ZNF469: variants seen among roughly 807,000 people sequenced by gnomAD.
ZNF469 encodes the protein zinc finger protein 469.
A neutral mutation model predicts 1.0 loss-of-function variants in ZNF469; 1 was observed. The observed-to-expected ratio is 1.00, with a 90% CI of 0.35 to 4.73. The LOEUF (loss-of-function observed/expected upper bound fraction) is 4.73. Among genes scored for constraint, ZNF469 ranks in the 30% most tolerant of loss-of-function variants. The pLI, the probability that ZNF469 is intolerant of heterozygous loss-of-function variation, is 0.16. For missense variants in ZNF469, 6,100 were observed against 5,356.3 expected (o/e 1.14, Z -4.33); for synonymous variants, 2,703 against 2,363.4 (o/e 1.14, Z -4.17).
At chr16:88,274,862 G>A in the ZNF469 span, among the ~76,000 whole-genome samples, 8 of 152,212 alleles carry the variant, frequency 5.3e-5, no homozygotes, top group Non-Finnish European at 8.8e-5. Flanking sequence ...GTTCGCAGAC[G>A]GACACTGGCA....
upstream of ZNF469, among the ~76,000 whole-genome samples, chr16:88,378,712 G>A (rs115858775): frequency 2.3e-3 from 345 of 152,292 alleles, 1 homozygote; most frequent in African/African-American, 7.8e-3. Context: ...GGACAGGCTC[G>A]ACCACTAACT....
chr16:88,184,129 G>C, the ZNF469 span, among the ~76,000 whole-genome samples: 1 of 152,042 alleles, frequency 6.6e-6, no homozygotes, highest in African/African-American at 2.4e-5. Context: ...TGGCCCCCGT[G>C]TAAACAGACG....
the ZNF469 span, among the ~76,000 whole-genome samples, chr16:88,268,246 C>G: frequency 6.6e-6 from 1 of 152,158 alleles, no homozygotes; most frequent in Non-Finnish European, 1.5e-5. Flanking sequence ...TTGTCAGTCT[C>G]CCCCTCGCTG....
the ZNF469 span, among the ~76,000 whole-genome samples, chr16:88,367,023 C>T: frequency 6.6e-6 from 1 of 152,174 alleles, no homozygotes; most frequent in Non-Finnish European, 1.5e-5. Flanking sequence ...ACCACCACCA[C>T]CAACATCATC....
At chr16:88,252,109 G>A in the ZNF469 span, among the ~76,000 whole-genome samples, 1 of 144,336 alleles carries the variant, frequency 6.9e-6, no homozygotes, top group Non-Finnish European at 1.6e-5. Context: ...GCTGCACACA[G>A]CTGGGGCATG....
chr16:88,140,017 C>G, the ZNF469 span, among the ~76,000 whole-genome samples: 4 of 152,214 alleles, frequency 2.6e-5, no homozygotes, highest in Non-Finnish European at 5.9e-5. Flanking sequence ...AAGAAACGAA[C>G]TGTCAGGATC....
At chr16:88,318,188 G>T in the ZNF469 span, among the ~76,000 whole-genome samples, 1 of 152,228 alleles carries the variant, frequency 6.6e-6, no homozygotes, top group African/African-American at 2.4e-5. Context: ...GCCCAGCCTG[G>T]GCTGGAGGGA....
At chr16:88,402,969 G>T (rs2142276285) in intron 1 of ZNF469, among the ~76,000 whole-genome samples, 1 of 152,374 alleles carries the variant, frequency 6.6e-6, no homozygotes, top group South Asian at 2.1e-4. Flanking sequence ...GGCCAGCCCG[G>T]CCCGGGAAGA....
chr16:88,190,117 C>T, the ZNF469 span, among the ~76,000 whole-genome samples: 1 of 149,718 alleles, frequency 6.7e-6, no homozygotes, highest in Non-Finnish European at 1.5e-5. Context: ...GGGCTTTAGA[C>T]CAGTGGACGG....
At chr16:88,409,885 C>G (rs1208644761) in intron 1 of ZNF469, among the ~76,000 whole-genome samples, 9 of 35,992 alleles carry the variant, frequency 2.5e-4, no homozygotes, top group African/African-American at 1.2e-3. Context: ...GGGGGGGGGG[C>G]GCGGGGCGTT....
chr16:88,422,377 A>C (rs1905496386), intron 1 of ZNF469, among the ~76,000 whole-genome samples: 1 of 122,522 alleles, frequency 8.2e-6, no homozygotes, highest in Non-Finnish European at 1.7e-5. Flanking sequence ...GGGTGGATGA[A>C]TGAATGGGTG....
chr16:88,240,666 C>G, the ZNF469 span, among the ~76,000 whole-genome samples: 1 of 152,068 alleles, frequency 6.6e-6, no homozygotes, highest in Non-Finnish European at 1.5e-5. Context: ...AACCCCAGAG[C>G]CCTCAAAATA....
At position 88,431,429 on chromosome 16, in the gene ZNF469, CT is replaced by C. The variant is rs937089212; in HGVS notation, c.3960del (p.Ala1321ProfsTer234). 2 of 1,550,382 alleles carry C rather than the reference CT, an allele frequency of 1.3e-6. No homozygotes were observed. Among genetic ancestry groups the C allele is most frequent in the Non-Finnish European group, 1.7e-6 (2 of 1,146,996 alleles). On this transcript the variant is annotated frameshift_variant, in exon 3 of 3. Coordinates refer to ENST00000565624, the MANE Select transcript of ZNF469 (RefSeq NM_001367624.2). LOFTEE classifies it low-confidence loss of function (END_TRUNC). ...APVSHNSKDP[P>X]ARQPGEFLAP... ...GTCTCCCACAACAGCAAGGACCCCC[CT>C]GCCCGCCAGCCTGGAGAATTTCTGG...
chr16:88,108,368 G>A, the ZNF469 span, among the ~76,000 whole-genome samples: 1 of 152,174 alleles, frequency 6.6e-6, no homozygotes, highest in East Asian at 1.9e-4. Context: ...GGCTGCTGGT[G>A]CAGCCCATCT....
At chr16:88,205,667 G>A in the ZNF469 span, among the ~76,000 whole-genome samples, 2 of 152,218 alleles carry the variant, frequency 1.3e-5, no homozygotes, top group Non-Finnish European at 2.9e-5. This position sits in a 1 kb window ranked among gnomAD's most constrained non-coding sequence, Gnocchi z 4.2. Context: ...AGGCACGGAT[G>A]CGGAACCGGC....
At chr16:88,212,945 C>T in the ZNF469 span, among the ~76,000 whole-genome samples, 2 of 152,190 alleles carry the variant, frequency 1.3e-5, no homozygotes, top group African/African-American at 4.8e-5. Flanking sequence ...CATCTATGTC[C>T]TTAGTTTTAA....
At position 88,431,917 on chromosome 16, in the gene ZNF469, G is replaced by A. The variant is rs273585620; in HGVS notation, c.4447G>A (p.Ala1483Thr). 2.6e-5 allele frequency: 40 copies of A among 1,549,476 alleles called. No individual in the cohort carries two copies. The highest frequency in any genetic ancestry group is 1.2e-4 in the East Asian group (5 of 40,908). ...SANRDSGLPF[A>T]CADPPQKTVP... ...GAACAGGGACTCCGGTCTGCCGTTC[G>A]CATGTGCCGACCCTCCCCAGAAGAC... The change falls in exon 3 of 3, where the codon GCA becomes ACA. Residue 1483 changes from alanine (A) to threonine (T), a missense_variant. Ala to Thr is a moderately conservative substitution (Grantham distance 58, BLOSUM62 0). Coordinates refer to ENST00000565624, the MANE Select transcript of ZNF469 (RefSeq NM_001367624.2).
chr16:88,279,196 C>A, the ZNF469 span, among the ~76,000 whole-genome samples: 2 of 139,266 alleles, frequency 1.4e-5, no homozygotes, highest in African/African-American at 5.0e-5. Flanking sequence ...TGCTGCGCCA[C>A]GCTGACACTC....
At chr16:88,332,288 G>A in the ZNF469 span, among the ~76,000 whole-genome samples, 5 of 152,226 alleles carry the variant, frequency 3.3e-5, no homozygotes, top group African/African-American at 4.8e-5. Context: ...TCGGCACAGC[G>A]TCCAAGAATG....
Sources: gnomAD v4.1 joint callset for allele counts (sites outside exome capture counted in the v4.1 genomes callset) on GRCh38, gnomAD v4.1.1 for gene constraint, Gnocchi (gnomAD v3.1) non-coding constraint, MANE v1.5 for transcripts, NCBI Gene and HGNC (gene_info 2026-07-23, HGNC 2026-07-21) for gene names.